FRMD5: variants seen among roughly 807,000 people sequenced by gnomAD.
FRMD5 encodes the protein FERM domain containing 5.
A neutral mutation model predicts 69.0 loss-of-function variants in FRMD5; 20 were observed. The ratio of observed to expected loss-of-function variants is 0.29; its 90% CI spans 0.20 to 0.42. The LOEUF (loss-of-function observed/expected upper bound fraction) is 0.42, where lower values mean the gene tolerates loss of function less well. Ranked by LOEUF, FRMD5 falls within the 10% of genes least tolerant of loss-of-function variation. The pLI, the probability that FRMD5 is intolerant of heterozygous loss-of-function variation, is 1.00. For missense variants in FRMD5, 595 were observed against 708.6 expected (o/e 0.84, Z 1.82); for synonymous variants, 271 against 260.1 (o/e 1.04, Z -0.40).
At chr15:44,167,927 G>A (rs1201938275) in intron 1 of FRMD5, among the ~76,000 whole-genome samples, 2 of 152,196 alleles carry the variant, frequency 1.3e-5, no homozygotes, top group African/African-American at 4.8e-5. Flanking sequence ...CAGAGTCACT[G>A]AGACAAAGTC....
At chr15:43,962,698 CA>C (rs1454457902) in intron 1 of FRMD5, among the ~76,000 whole-genome samples, 1 of 152,134 alleles carries the variant, frequency 6.6e-6, no homozygotes, top group Non-Finnish European at 1.5e-5. Flanking sequence ...GTACTGGTAT[CA>C]AAACAGAGAT....
chr15:44,164,896 G>T (rs2077683196), intron 1 of FRMD5, among the ~76,000 whole-genome samples: 1 of 152,198 alleles, frequency 6.6e-6, no homozygotes, highest in South Asian at 2.1e-4. Context: ...GGTGCCTAGT[G>T]TTCAGTGTCC....
At chr15:44,055,140 C>G (rs528705836) in intron 1 of FRMD5, among the ~76,000 whole-genome samples, 1 of 151,830 alleles carries the variant, frequency 6.6e-6, no homozygotes, top group African/African-American at 2.4e-5. Context: ...CTCAAAGGCA[C>G]CTGGCTATAG....
chr15:44,186,197 G>T (rs1198202440), intron 1 of FRMD5, among the ~76,000 whole-genome samples: 1 of 152,174 alleles, frequency 6.6e-6, no homozygotes, highest in Non-Finnish European at 1.5e-5. Context: ...AAAGTGCTGG[G>T]ATTACAGGCG....
At chr15:44,189,658 T>C (rs560377720) in intron 1 of FRMD5, among the ~76,000 whole-genome samples, 31 of 152,048 alleles carry the variant, frequency 2.0e-4, no homozygotes, top group African/African-American at 6.5e-4. Context: ...ACCTGGCTAA[T>C]TTTTGTATTT....
At chr15:43,922,668 C>CTT (rs397970648) in intron 2 of FRMD5, among the ~76,000 whole-genome samples, 44 of 139,770 alleles carry the variant, frequency 3.1e-4, no homozygotes, top group African/African-American at 9.5e-4. Context: ...ACTGGCCCTC[C>CTT]TTTTTTTTTT....
At chr15:44,093,758 G>A (rs1440844730) in intron 1 of FRMD5, among the ~76,000 whole-genome samples, 1 of 151,812 alleles carries the variant, frequency 6.6e-6, no homozygotes, top group Non-Finnish European at 1.5e-5. Context: ...ATTTTTAGTA[G>A]AGACGGGGTT....
intron 7 of FRMD5, among the ~76,000 whole-genome samples, chr15:43,893,072 C>G (rs760167976): frequency 9.2e-5 from 14 of 151,520 alleles, no homozygotes; most frequent in South Asian, 2.1e-4. Context: ...CCACCACACT[C>G]CAGCCTGGGT....
In FRMD5 at chr15:43,991,216, C is replaced by T. The variant is rs140655583; in HGVS notation, c.103-66907G>A. On this transcript the variant is annotated intron_variant, in intron 1 of 13. Transcript: ENST00000417257. ...CTGCCAATTATTTTTGAGCACTGTA[C>T]TTAAATTGTTCTTTGCTTTGCACAT... Among the ~76,000 whole-genome samples, 1,364 of 152,314 alleles carry T rather than the reference C, an allele frequency of 9.0e-3. 6 individuals are homozygous for T. Among genetic ancestry groups the T allele is most frequent in the South Asian group, 0.029 (139 of 4,830 alleles).
intron 1 of FRMD5, among the ~76,000 whole-genome samples, chr15:44,039,484 G>A (rs1892089519): frequency 1.3e-5 from 2 of 152,208 alleles, no homozygotes; most frequent in South Asian, 2.1e-4. Flanking sequence ...AAAACAGGCA[G>A]CAATCTTTGC....
At chr15:44,018,856 G>A (rs756571930) in intron 1 of FRMD5, among the ~76,000 whole-genome samples, 6 of 152,060 alleles carry the variant, frequency 3.9e-5, no homozygotes, top group Non-Finnish European at 7.4e-5. Flanking sequence ...TAGCTAAGAG[G>A]GAGAGAGATG....
At chr15:43,938,332 A>G (rs2089800682) in intron 1 of FRMD5, among the ~76,000 whole-genome samples, 1 of 151,928 alleles carries the variant, frequency 6.6e-6, no homozygotes. Flanking sequence ...TATTAACCCC[A>G]TTTTATAAAG....
At chr15:43,919,897 A>G (rs1481408407) in intron 2 of FRMD5, 88 bp from the exon 3 acceptor site, 39 of 1,218,944 alleles carry the variant, frequency 3.2e-5, no homozygotes, top group Non-Finnish European at 4.7e-5. Context: ...AACTAGACAG[A>G]TTGTAGCCTA....
chr15:44,055,697 A>G (rs1341886793), intron 1 of FRMD5, among the ~76,000 whole-genome samples: 1 of 152,232 alleles, frequency 6.6e-6, no homozygotes, highest in Non-Finnish European at 1.5e-5. Flanking sequence ...TCTGTGGTAC[A>G]AGGTAGATGT....
chr15:43,962,796 G>A (rs1383520110), intron 1 of FRMD5, among the ~76,000 whole-genome samples: 1 of 152,182 alleles, frequency 6.6e-6, no homozygotes, highest in Non-Finnish European at 1.5e-5. Context: ...AGAAAAACAA[G>A]CAATGGGGAA....
intron 13 of FRMD5, chr15:43,875,938 T>C (rs878976721): frequency 5.1e-5 from 64 of 1,250,024 alleles, no homozygotes; most frequent in Middle Eastern, 2.0e-4. Flanking sequence ...ATCACACTTA[T>C]AGGCAAGGCA....
chr15:43,932,277 G>A (rs1475267181), intron 1 of FRMD5, among the ~76,000 whole-genome samples: 2 of 152,164 alleles, frequency 1.3e-5, no homozygotes, highest in Non-Finnish European at 2.9e-5. Flanking sequence ...ATGGATCTTG[G>A]CTACATGTCC....
intron 1 of FRMD5, among the ~76,000 whole-genome samples, chr15:43,975,230 T>C (rs184130312): frequency 1.4e-4 from 22 of 152,324 alleles, no homozygotes; most frequent in Admixed American, 1.0e-3. Context: ...GAGCTTCCTA[T>C]TGGCAGAAAG....
In FRMD5 at chr15:44,195,101, T is replaced by C. The variant is rs566415910; in HGVS notation, c.-47A>G. ...AGCGACGCGGCGGCGCTGCGGACCC[T>C]GGACCAGGCGTCCCTCAGCCCGGCA... On this transcript the variant is annotated 5_prime_UTR_variant, in exon 1 of 14. Coordinates refer to ENST00000417257, the MANE Select transcript of FRMD5 (RefSeq NM_032892.5). 4.9e-4 allele frequency: 603 copies of C among 1,222,826 alleles called. 4 individuals are homozygous for C. In the African/African-American group the frequency reaches 8.8e-3, roughly 18 times the overall value. The allele number at this position is 1,222,826 out of a possible 1,614,324, so 75.7% of individuals were successfully genotyped here. A position where few individuals can be genotyped will look rare whatever the true frequency, so the allele number is the denominator to read the frequency against.
Sources: allele counts gnomAD v4.1 joint callset (sites outside exome capture counted in the v4.1 genomes callset), GRCh38; gene constraint gnomAD v4.1.1; transcripts MANE v1.5; gene names NCBI Gene and HGNC (gene_info 2026-07-23, HGNC 2026-07-21).